Variants in CTSA observed in about 807,000 individuals in gnomAD.
The protein encoded by CTSA is cathepsin A, also known as lysosomal protective protein.
Under a neutral mutation model 66.7 loss-of-function variants are expected in CTSA, and 42 were observed. That is an observed-to-expected ratio of 0.63 (90% CI 0.49 to 0.81). The LOEUF (loss-of-function observed/expected upper bound fraction) is 0.81. Among genes scored for constraint, CTSA ranks in the 40% least tolerant of loss-of-function variants. CTSA has a pLI of 0.00. For missense variants in CTSA, 525 were observed against 610.9 expected, an observed-to-expected ratio of 0.86 and a Z score of 1.48; for synonymous variants, 225 against 248.6, an observed-to-expected ratio of 0.91 and a Z score of 0.89.
At chr20:45,892,199 T>G in intron 3 of CTSA, 74 bp from the exon 4 acceptor site, 1 of 1,512,134 alleles carries the variant, frequency 6.6e-7, no homozygotes, top group Non-Finnish European at 9.2e-7. Flanking sequence ...ACATGTAAAG[T>G]GCCTCTCATG....
chr20:45,892,672 A>G, intron 5 of CTSA, 53 bp from the exon 6 acceptor site: 1 of 1,612,048 alleles, frequency 6.2e-7, no homozygotes, highest in East Asian at 2.2e-5. Context: ...AGTTCTTTCC[A>G]GTTCAAATAC....
chr20:45,892,134 G>A (rs1167287853), intron 3 of CTSA, 107 bp downstream of exon 3: 2 of 1,435,540 alleles, frequency 1.4e-6, no homozygotes, highest in Admixed American at 1.7e-5. Context: ...CTAAGCCTCG[G>A]GATTTTCCTC....
At position 45,894,024 on chromosome 20, in the gene CTSA, A is replaced by G; in HGVS notation, c.729A>G (p.Gln243=). 2.5e-6 allele frequency: 4 copies of G among 1,613,306 alleles called. No individual in the cohort carries two copies. The highest frequency in any genetic ancestry group is 2.5e-6 in the Non-Finnish European group (3 of 1,179,368). The change falls in exon 8 of 15, where the codon CAA becomes CAG. Residue 243 remains glutamine, a synonymous_variant. Transcript: ENST00000646241. The stretch of plus-strand genomic sequence containing the variant: ...CTCTCCAGACCCACTGCTGCTCTCA[A>G]AACAAGTGTAACTTCTATGACAACA... ...WSSLQTHCCS[Q]NKCNFYDNKD...
chr20:45,893,697 T>C lies in CTSA; in HGVS notation c.693-291T>C, dbSNP rs1987092837. Among the ~76,000 whole-genome samples the C allele has an allele frequency of 2.6e-5, 4 of 152,236 alleles. No individual in the cohort carries two copies. The South Asian group carries it at 8.3e-4, about 32-fold the overall frequency. ...TGGGGTTTTGCTGTGTTGGCCAGGC[T>C]GGACTTGAACTCCTGGCCTCAAATG... On this transcript the variant is annotated intron_variant, in intron 7 of 14. Coordinates refer to ENST00000646241, the MANE Select transcript of CTSA (RefSeq NM_000308.4).
rs1294443018 is a variant in CTSA at position 45,894,983 on chromosome 20, G to T, written c.949-11G>T. On this transcript the variant is annotated splice_polypyrimidine_tract_variant and intron_variant, in intron 10 of 14. Transcript: ENST00000646241. ...AAGCAGAGGCCCTGACCCACTGTCT[G>T]TGCCTTCCAGGCACTGCTGCGCTCA... The T allele has an allele frequency of 5.6e-6, 9 of 1,614,054 alleles. No individual in the cohort carries two copies. The highest frequency in any genetic ancestry group is 7.6e-6 in the Non-Finnish European group (9 of 1,180,014).
rs759713400 is a variant in CTSA at position 45,897,810 on chromosome 20, A to T, written c.1254+4A>T. The T allele has an allele frequency of 6.2e-7, 1 of 1,603,830 alleles. No individual in the cohort carries two copies. The highest frequency in any genetic ancestry group is 1.7e-5 in the Admixed American group (1 of 60,006). ...TGTGGATTCCCTCAACCAGAAGGTA[A>T]GGTAGAGATTCCTGGCCCTGGGATA... On this transcript the variant is annotated splice_donor_region_variant and intron_variant, in intron 13 of 14. Coordinates refer to ENST00000646241, the MANE Select transcript of CTSA (RefSeq NM_000308.4).
rs573098675 is a variant in CTSA, at chr20:45,898,350, C to T, written c.1360-17C>T. The T allele has an allele frequency of 1.9e-5, 30 of 1,608,654 alleles. No individual in the cohort carries two copies. Among genetic ancestry groups the T allele is most frequent in the East Asian group, 4.5e-5 (2 of 44,784 alleles). On this transcript the variant is annotated splice_polypyrimidine_tract_variant and intron_variant, in intron 14 of 14. Transcript: ENST00000646241. This position sits in a 1 kb window ranked among gnomAD's most constrained non-coding sequence, Gnocchi z 4.6. ...AGGGAATGGTGGGGTCAGGAGCTCA[C>T]GAACATTGCTCCTCAGGGCGCCGGC...
chr20:45,898,207 G>A lies in CTSA; in HGVS notation c.1359+98G>A. On this transcript the variant is annotated intron_variant, in intron 14 of 14. Transcript: ENST00000646241. This position sits in a 1 kb window ranked among gnomAD's most constrained non-coding sequence, Gnocchi z 4.6. ...GGCTGCCTTTTAGGCTGGGTCATGG[G>A]TCACCATCTGGCCCCTGTATGGGCA... 1.4e-6 allele frequency: 2 copies of A among 1,408,506 alleles called. No individual in the cohort carries two copies. The highest frequency in any genetic ancestry group is 2.0e-6 in the Non-Finnish European group (2 of 1,007,488). 87.3% of individuals were successfully genotyped at this position (1,408,506 alleles called of 1,614,324 possible).
chr20:45,895,217 T>A, intron 11 of CTSA, 84 bp downstream of exon 11: 1 of 1,541,960 alleles, frequency 6.5e-7, no homozygotes, highest in Non-Finnish European at 9.0e-7. Context: ...GGATCTTCTG[T>A]GTAGAGTTTC....
chr20:45,891,973 G>C lies in CTSA; in HGVS notation c.252G>C (p.Gly84=). The change falls in exon 3 of 15, where the codon GGG becomes GGC. Residue 84 remains glycine, a synonymous_variant. Transcript: ENST00000646241. This position sits in a 1 kb window ranked among gnomAD's most constrained non-coding sequence, Gnocchi z 4.6. ...ENSPVVLWLN[G]GPGCSSLDGL... ...GCCCTGTGGTGCTTTGGCTCAATGG[G>C]GGTCCCGGCTGCAGCTCACTAGATG... The C allele has an allele frequency of 6.2e-7, 1 of 1,614,172 alleles. No individual in the cohort carries two copies. The highest frequency in any genetic ancestry group is 8.5e-7 in the Non-Finnish European group (1 of 1,180,026).
intron 5 of CTSA, 64 bp downstream of exon 5, chr20:45,892,548 GGA>G: frequency 1.3e-6 from 2 of 1,556,570 alleles, no homozygotes; most frequent in Non-Finnish European, 1.8e-6. Flanking sequence ...CATGATGCTG[GGA>G]GAGAGAGCAT....
rs763731755 is a variant in CTSA at position 45,898,351 on chromosome 20, G to A, written c.1360-16G>A. On this transcript the variant is annotated splice_polypyrimidine_tract_variant and intron_variant, in intron 14 of 14. Coordinates refer to ENST00000646241, the MANE Select transcript of CTSA (RefSeq NM_000308.4). This position sits in a 1 kb window ranked among gnomAD's most constrained non-coding sequence, Gnocchi z 4.6. ...GGGAATGGTGGGGTCAGGAGCTCACGAACATTGCTCCTCAGGGCGCCGGCC... is the reference window on the plus strand; with the variant it reads ...GGGAATGGTGGGGTCAGGAGCTCACAAACATTGCTCCTCAGGGCGCCGGCC... 17 of 1,610,256 alleles carry A rather than the reference G, an allele frequency of 1.1e-5. No homozygotes were observed. The highest frequency in any genetic ancestry group is 6.7e-5 in the East Asian group (3 of 44,790).
Position 45,898,242 on chromosome 20 carries a change from G to A in CTSA, c.1360-125G>A. ...GGCCCCTGTATGGGCAAGTTTTTTT[G>A]GAGAGGGGTGGGGAGGGTTCTGGGA... On this transcript the variant is annotated intron_variant, in intron 14 of 14. Transcript: ENST00000646241. This position sits in a 1 kb window ranked among gnomAD's most constrained non-coding sequence, Gnocchi z 4.6. 2 of 1,320,452 alleles carry A rather than the reference G, an allele frequency of 1.5e-6. No individual in the cohort carries two copies. Among genetic ancestry groups the A allele is most frequent in the African/African-American group, 1.5e-5 (1 of 68,534 alleles). The allele number at this position is 1,320,452 out of a possible 1,614,324, so 81.8% of individuals were successfully genotyped here.
At chr20:45,893,014 G>C (rs1555832740) in intron 6 of CTSA, 134 bp downstream of exon 6, 1 of 1,137,146 alleles carries the variant, frequency 8.8e-7, no homozygotes. Context: ...GGCTGCCCTA[G>C]GTCTGTCTGT....
At chr20:45,893,383 A>G (rs1987077318) in intron 7 of CTSA, 72 bp downstream of exon 7, 3 of 1,123,508 alleles carry the variant, frequency 2.7e-6, no homozygotes, top group Non-Finnish European at 1.4e-6. Context: ...TCCTCCAGGC[A>G]CATGATATGA....
At position 45,892,736 on chromosome 20, in the gene CTSA, C is replaced by T; in HGVS notation, c.456C>T (p.Ser152=). 1 of 1,614,194 alleles carries T rather than the reference C, an allele frequency of 6.2e-7. No homozygotes were observed. The highest frequency in any genetic ancestry group is 8.5e-7 in the Non-Finnish European group (1 of 1,180,036). The change falls in exon 6 of 15, where the codon AGC becomes AGT. Residue 152 remains serine (S), a synonymous_variant. Transcript: ENST00000646241. ...TCTGCCATCCCCAGGTCGCCCAGAG[C>T]AATTTTGAGGCCCTTCAAGATTTCT... The part of the protein sequence containing the change: ...YATNDTEVAQ[S]NFEALQDFFR...
chr20:45,892,342 G>T lies in CTSA; in HGVS notation c.357+19G>T, dbSNP rs966338212. The T allele has an allele frequency of 6.2e-7, 1 of 1,613,986 alleles. No homozygotes were observed. The highest frequency in any genetic ancestry group is 2.2e-5 in the East Asian group (1 of 44,886). ...GAATCTGGTATAGCTGGAGCTGTGG[G>T]TGTGTCTGGGCACTTGGATGGGGTG... On this transcript the variant is annotated intron_variant, in intron 4 of 14. Coordinates refer to ENST00000646241, the MANE Select transcript of CTSA (RefSeq NM_000308.4).
In CTSA at chr20:45,898,362, C is replaced by T; in HGVS notation, c.1360-5C>T. 1 of 1,613,394 alleles carries T rather than the reference C, an allele frequency of 6.2e-7. No homozygotes were observed. ...GGTCAGGAGCTCACGAACATTGCTC[C>T]TCAGGGCGCCGGCCACATGGTTCCC... On this transcript the variant is annotated splice_polypyrimidine_tract_variant and splice_region_variant and intron_variant, in intron 14 of 14. Coordinates refer to ENST00000646241, the MANE Select transcript of CTSA (RefSeq NM_000308.4). This position sits in a 1 kb window ranked among gnomAD's most constrained non-coding sequence, Gnocchi z 4.6.
chr20:45,891,847 G>C lies in CTSA; in HGVS notation c.195-69G>C. ...GGTAGTTCTGCAGACCCCTGAGGAT[G>C]CCTGGGAGCCGGGAGGGCTGGAAAG... On this transcript the variant is annotated intron_variant, in intron 2 of 14. Coordinates refer to ENST00000646241, the MANE Select transcript of CTSA (RefSeq NM_000308.4). This position sits in a 1 kb window ranked among gnomAD's most constrained non-coding sequence, Gnocchi z 4.6. 6.2e-7 allele frequency: 1 copy of C among 1,608,584 alleles called. No homozygotes were observed. Among genetic ancestry groups the C allele is most frequent in the Non-Finnish European group, 8.5e-7 (1 of 1,175,160 alleles).
Sources: allele counts gnomAD v4.1 joint callset (sites outside exome capture counted in the v4.1 genomes callset), GRCh38; gene constraint gnomAD v4.1.1; non-coding constraint Gnocchi (gnomAD v3.1); transcripts MANE v1.5; gene names NCBI Gene and HGNC (gene_info 2026-07-23, HGNC 2026-07-21).